The following SMYD3 variants were observed in gnomAD, a reference collection of about 807,000 sequenced individuals.
SMYD3 encodes histone-lysine N-methyltransferase SMYD3.
A neutral mutation model predicts 57.7 loss-of-function variants in SMYD3; 36 were observed. The ratio of observed to expected loss-of-function variants is 0.62; its 90% CI spans 0.48 to 0.82. The LOEUF (loss-of-function observed/expected upper bound fraction) is 0.82. SMYD3 is among the 40% of genes least tolerant of loss of function. The pLI is 0.00. For synonymous variants in SMYD3, 211 were observed against 195.0 expected (o/e 1.08, Z -0.68); for missense variants, 515 against 538.8 (o/e 0.96, Z 0.44).
intron 1 of SMYD3, among the ~76,000 whole-genome samples, chr1:246,451,005 A>C (rs1342469112): frequency 6.6e-6 from 1 of 152,228 alleles, no homozygotes; most frequent in Non-Finnish European, 1.5e-5. Flanking sequence ...AAAGACAAAG[A>C]ATCTCCCAAT....
intron 5 of SMYD3, among the ~76,000 whole-genome samples, chr1:246,170,673 C>A (rs945729556): frequency 6.6e-6 from 1 of 152,100 alleles, no homozygotes; most frequent in Non-Finnish European, 1.5e-5. Flanking sequence ...ATTTCTTGTT[C>A]ATTTTTGTCA....
intron 5 of SMYD3, among the ~76,000 whole-genome samples, chr1:246,086,490 G>A (rs777541081): frequency 1.3e-4 from 19 of 151,632 alleles, no homozygotes; most frequent in African/African-American, 2.9e-4. Context: ...TAGAGGCTAC[G>A]GATATATTTT....
chr1:246,239,117 C>T (rs1434528639), intron 5 of SMYD3, among the ~76,000 whole-genome samples: 1 of 152,050 alleles, frequency 6.6e-6, no homozygotes, highest in Non-Finnish European at 1.5e-5. Flanking sequence ...TTAAATTATA[C>T]TTTAAGTTCT....
intron 5 of SMYD3, among the ~76,000 whole-genome samples, chr1:246,167,866 C>T (rs1346073760): frequency 1.3e-5 from 2 of 152,204 alleles, no homozygotes; most frequent in Non-Finnish European, 2.9e-5. Context: ...AGCATCTTTT[C>T]ACGTGCTTGT....
At chr1:246,011,280 A>G (rs1227571361) in intron 5 of SMYD3, among the ~76,000 whole-genome samples, 1 of 152,152 alleles carries the variant, frequency 6.6e-6, no homozygotes, top group Non-Finnish European at 1.5e-5. Flanking sequence ...CTGGGACTTC[A>G]TATTATTTCA....
intron 1 of SMYD3, among the ~76,000 whole-genome samples, chr1:246,474,293 G>A (rs966087880): frequency 6.6e-6 from 1 of 152,176 alleles, no homozygotes; most frequent in Non-Finnish European, 1.5e-5. Flanking sequence ...GCCAAGGCGG[G>A]TGGATCATGA....
chr1:246,125,754 G>C (rs1056989676), intron 5 of SMYD3, among the ~76,000 whole-genome samples: 14 of 152,082 alleles, frequency 9.2e-5, no homozygotes, highest in Non-Finnish European at 4.4e-5. Context: ...GAAGTGGTGA[G>C]AGGGATCCTG....
chr1:246,337,081 G>A (rs540599078), intron 2 of SMYD3, among the ~76,000 whole-genome samples: 2 of 152,210 alleles, frequency 1.3e-5, no homozygotes, highest in African/African-American at 4.8e-5. Context: ...TCACTGAAAG[G>A]CATAATATTA....
At chr1:245,805,156 GAA>G (rs35965611) in intron 10 of SMYD3, among the ~76,000 whole-genome samples, 6 of 128,754 alleles carry the variant, frequency 4.7e-5, no homozygotes, top group African/African-American at 1.1e-4. Context: ...AAGTGAGAAT[GAA>G]AAAAAAAAAA....
intron 5 of SMYD3, chr1:246,322,362 A>C (rs1311997460): frequency 1.3e-5 from 2 of 151,988 alleles, no homozygotes; most frequent in African/African-American, 4.8e-5. Context: ...GTGAGACCCT[A>C]TTCCCAAAGA....
intron 5 of SMYD3, chr1:246,110,026 C>G (rs2061205069): frequency 6.6e-6 from 1 of 152,244 alleles, no homozygotes; most frequent in African/African-American, 2.4e-5. Context: ...CAGCTGCAGT[C>G]ACAACAGATA....
chr1:245,855,929 G>A (rs561180179), intron 10 of SMYD3, among the ~76,000 whole-genome samples: 24 of 152,338 alleles, frequency 1.6e-4, no homozygotes, highest in African/African-American at 5.8e-4. Context: ...AGATGGCAAT[G>A]CAATCATCCC....
At chr1:245,853,658 A>G (rs930743825) in intron 10 of SMYD3, among the ~76,000 whole-genome samples, 2 of 152,180 alleles carry the variant, frequency 1.3e-5, no homozygotes, top group Non-Finnish European at 2.9e-5. Flanking sequence ...AAAACAGTAG[A>G]AGGTACTGTT....
chr1:245,813,159 C>T (rs6686136), intron 10 of SMYD3, among the ~76,000 whole-genome samples: 4,495 of 151,696 alleles, frequency 0.03, 214 homozygotes, highest in African/African-American at 0.099. Context: ...GGACTACAGG[C>T]GCCCGCCACC....
intron 1 of SMYD3, among the ~76,000 whole-genome samples, chr1:246,427,908 A>G (rs1572491978): frequency 6.6e-6 from 1 of 152,246 alleles, no homozygotes; most frequent in East Asian, 1.9e-4. Flanking sequence ...GGTATGCTTA[A>G]AAGGTTAAAA....
At chr1:246,186,627 C>G (rs899184056) in intron 5 of SMYD3, 10 of 447,188 alleles carry the variant, frequency 2.2e-5, no homozygotes, top group Middle Eastern at 1.1e-3. Context: ...GAAAAAGACC[C>G]AAGTTCATTT....
chr1:245,994,303 C>T (rs1168817012), intron 5 of SMYD3, among the ~76,000 whole-genome samples: 2 of 152,162 alleles, frequency 1.3e-5, no homozygotes, highest in Non-Finnish European at 2.9e-5. Flanking sequence ...CACCCTTCCT[C>T]GGATGTGCCC....
intron 10 of SMYD3, among the ~76,000 whole-genome samples, chr1:245,854,594 TC>T (rs376603485): frequency 0.1 from 3,407 of 33,274 alleles, 130 homozygotes; most frequent in African/African-American, 0.17. Context: ...GTTATCCTTT[TC>T]TCTCTCTCTC....
rs956348208 is a variant in SMYD3, at chr1:246,311,677, A to T, written c.531+15524T>A. Among the ~76,000 whole-genome samples the T allele has an allele frequency of 1.3e-4, 20 of 152,342 alleles. No homozygotes were observed. The East Asian group carries it at 3.5e-3, about 26-fold the overall frequency. ...CACGCGCACGCGCGCACACACACGC[A>T]CACACACCCCAGCCATAACTAGGCC... On this transcript the variant is annotated intron_variant, in intron 5 of 11. Transcript: ENST00000490107.
Sources: allele counts gnomAD v4.1 joint callset (sites outside exome capture counted in the v4.1 genomes callset), GRCh38; gene constraint gnomAD v4.1.1; transcripts MANE v1.5; gene names NCBI Gene and HGNC (gene_info 2026-07-23, HGNC 2026-07-21).